Variants in PTPRD observed in about 807,000 individuals in gnomAD.
PTPRD encodes the protein protein tyrosine phosphatase receptor type D.
Under a neutral mutation model 214.5 loss-of-function variants are expected in PTPRD, and 34 were observed. The observed-to-expected ratio is 0.16, with a 90% CI of 0.12 to 0.21. PTPRD has a LOEUF of 0.21. Ranked by LOEUF, PTPRD falls within the 10% of genes least tolerant of loss-of-function variation. The pLI, the probability that PTPRD is intolerant of heterozygous loss-of-function variation, is 1.00. For synonymous variants in PTPRD, 1,128 were observed against 845.7 expected (o/e 1.33, Z -5.79); for missense variants, 2,545 against 2,398.7 (o/e 1.06, Z -1.27).
At chr9:9,559,526 G>T (rs1383102020) in intron 8 of PTPRD, among the ~76,000 whole-genome samples, 1 of 152,228 alleles carries the variant, frequency 6.6e-6, no homozygotes, top group Non-Finnish European at 1.5e-5. Flanking sequence ...TACTGAATAG[G>T]CTGCTTGGCT....
intron 12 of PTPRD, among the ~76,000 whole-genome samples, chr9:8,663,750 CA>C (rs1213763884): frequency 6.6e-5 from 10 of 152,036 alleles, no homozygotes; most frequent in Admixed American, 6.6e-4. Flanking sequence ...CTCGGCCTCC[CA>C]AAATGTTGGG....
intron 10 of PTPRD, among the ~76,000 whole-genome samples, chr9:9,151,732 T>C (rs137905582): frequency 1.8e-4 from 28 of 152,322 alleles, no homozygotes; most frequent in African/African-American, 6.3e-4. Context: ...ATCAGCAAGA[T>C]GGCACTTTGA....
chr9:8,539,454 T>C (rs1158635507), intron 14 of PTPRD, among the ~76,000 whole-genome samples: 1 of 151,804 alleles, frequency 6.6e-6, no homozygotes, highest in East Asian at 1.9e-4. Context: ...AAAAATACCA[T>C]TAAAGACAAA....
At chr9:8,556,915 G>A (rs773807527) in intron 14 of PTPRD, among the ~76,000 whole-genome samples, 15 of 152,082 alleles carry the variant, frequency 9.9e-5, no homozygotes, top group African/African-American at 1.9e-4. Context: ...AAAAGGTCCC[G>A]AGTTGACCTT....
intron 3 of PTPRD, among the ~76,000 whole-genome samples, chr9:10,178,533 G>C (rs774282777): frequency 6.6e-6 from 1 of 152,066 alleles, no homozygotes; most frequent in African/African-American, 2.4e-5. Flanking sequence ...AAATATAATT[G>C]AGGAAATACG....
At chr9:10,205,416 A>C (rs2099466973) in intron 3 of PTPRD, among the ~76,000 whole-genome samples, 1 of 149,136 alleles carries the variant, frequency 6.7e-6, no homozygotes. Flanking sequence ...ATTTTACTCT[A>C]TTTTCCTGAG....
intron 3 of PTPRD, among the ~76,000 whole-genome samples, chr9:10,305,498 A>G (rs145478583): frequency 0.039 from 5,855 of 152,014 alleles, 400 homozygotes; most frequent in African/African-American, 0.13. Flanking sequence ...ACAGAATGGG[A>G]GAAAATTTTG....
intron 3 of PTPRD, among the ~76,000 whole-genome samples, chr9:10,165,846 G>C (rs2099155837): frequency 6.6e-6 from 1 of 150,682 alleles, no homozygotes; most frequent in South Asian, 2.1e-4. Flanking sequence ...GTAGAAATCT[G>C]AAAATTTTAA....
intron 8 of PTPRD, among the ~76,000 whole-genome samples, chr9:9,544,820 AT>A (rs1254054889): frequency 6.6e-6 from 1 of 151,678 alleles, no homozygotes; most frequent in Non-Finnish European, 1.5e-5. Flanking sequence ...CTGCTTTAGA[AT>A]TTTATTATAG....
rs544178829 is a variant in PTPRD, at chr9:8,488,776, G to A, written c.2468-2427C>T. On this transcript the variant is annotated intron_variant, in intron 27 of 45. Coordinates refer to ENST00000381196, the MANE Select transcript of PTPRD (RefSeq NM_002839.4). The stretch of plus-strand genomic sequence containing the variant: ...TCCAAATGTCAGTGATGGTGTCAAG[G>A]ATTAAACACCTGAGTCTCTGCTGAG... Among the ~76,000 whole-genome samples the A allele has an allele frequency of 5.6e-4, 85 of 152,270 alleles. 1 individual carries two copies. In the Middle Eastern group the frequency reaches 0.01, roughly 18 times the overall value.
intron 5 of PTPRD, among the ~76,000 whole-genome samples, chr9:9,816,557 T>C (rs960641567): frequency 6.6e-6 from 1 of 152,102 alleles, no homozygotes; most frequent in South Asian, 2.1e-4. Flanking sequence ...ATTTGAATAA[T>C]ATATTGAACA....
At chr9:10,118,226 A>G (rs1208969248) in intron 3 of PTPRD, among the ~76,000 whole-genome samples, 1 of 151,604 alleles carries the variant, frequency 6.6e-6, no homozygotes, top group African/African-American at 2.4e-5. Flanking sequence ...CTATCTATCT[A>G]TCTATCTACA....
intron 11 of PTPRD, among the ~76,000 whole-genome samples, chr9:8,778,078 G>A (rs1393911849): frequency 6.6e-6 from 1 of 152,138 alleles, no homozygotes; most frequent in African/African-American, 2.4e-5. Flanking sequence ...AACTACTGTT[G>A]CTCTGTGGTA....
At chr9:9,144,395 T>A (rs1398059762) in intron 10 of PTPRD, among the ~76,000 whole-genome samples, 1 of 152,244 alleles carries the variant, frequency 6.6e-6, no homozygotes, top group East Asian at 1.9e-4. Flanking sequence ...TAGTTCATTT[T>A]TTTATGTCAA....
chr9:9,546,867 G>C (rs999638426), intron 8 of PTPRD, among the ~76,000 whole-genome samples: 1 of 151,320 alleles, frequency 6.6e-6, no homozygotes, highest in Non-Finnish European at 1.5e-5. Context: ...CTCACTAAAA[G>C]AGCATTAAAA....
chr9:10,106,457 T>C (rs2098633775), intron 3 of PTPRD, among the ~76,000 whole-genome samples: 2 of 151,936 alleles, frequency 1.3e-5, no homozygotes, highest in Non-Finnish European at 2.9e-5. Flanking sequence ...TGAAATGGTA[T>C]GCATAAAGAG....
intron 11 of PTPRD, among the ~76,000 whole-genome samples, chr9:8,790,399 G>C (rs773953799): frequency 2.9e-5 from 4 of 136,466 alleles, no homozygotes; most frequent in Non-Finnish European, 5.0e-5. Flanking sequence ...AGGAGAGTAG[G>C]GAATCTTGTC....
At chr9:8,626,162 A>T (rs1225124234) in intron 14 of PTPRD, among the ~76,000 whole-genome samples, 1 of 151,872 alleles carries the variant, frequency 6.6e-6, no homozygotes, top group Non-Finnish European at 1.5e-5. Context: ...GAAAACCAGG[A>T]TACTGAATTT....
chr9:10,555,446 C>G (rs1041320410), intron 2 of PTPRD, among the ~76,000 whole-genome samples: 1 of 152,154 alleles, frequency 6.6e-6, no homozygotes, highest in Non-Finnish European at 1.5e-5. Context: ...GTGTTTCAAA[C>G]TTAACTGGGG....
Sources: gnomAD v4.1 joint callset for allele counts (sites outside exome capture counted in the v4.1 genomes callset) on GRCh38, gnomAD v4.1.1 for gene constraint, MANE v1.5 for transcripts, NCBI Gene and HGNC (gene_info 2026-07-23, HGNC 2026-07-21) for gene names.